Variants in ASIC2 observed in about 807,000 individuals in gnomAD.
The protein encoded by ASIC2 is acid sensing ion channel subunit 2, also known as acid-sensing ion channel 2.
ASIC2 carries 25 observed loss-of-function variants against 57.3 expected under a neutral mutation model. The ratio of observed to expected loss-of-function variants is 0.44; its 90% CI spans 0.32 to 0.61. The LOEUF (loss-of-function observed/expected upper bound fraction) is 0.61. ASIC2 is among the 20% of genes least tolerant of loss of function. ASIC2 has a pLI of 0.06. For synonymous variants in ASIC2, 319 were observed against 307.5 expected (o/e 1.04, Z -0.39); for missense variants, 641 against 738.1 (o/e 0.87, Z 1.52).
chr17:34,110,116 T>C (rs183720855), intron 1 of ASIC2, among the ~76,000 whole-genome samples: 8 of 152,286 alleles, frequency 5.3e-5, no homozygotes, highest in Admixed American at 3.3e-4. Context: ...CTCCAATCTT[T>C]TTCCCAAGTA....
At chr17:33,978,466 A>G (rs982044308) in intron 1 of ASIC2, among the ~76,000 whole-genome samples, 3 of 152,186 alleles carry the variant, frequency 2.0e-5, no homozygotes, top group African/African-American at 4.8e-5. Context: ...AGTTTCTGCA[A>G]CTTCAAAATG....
At chr17:33,172,802 C>T (rs903956916) in intron 1 of ASIC2, among the ~76,000 whole-genome samples, 1 of 152,256 alleles carries the variant, frequency 6.6e-6, no homozygotes, top group African/African-American at 2.4e-5. Flanking sequence ...AGGGCTTACT[C>T]TGGTCCTCCT....
intron 1 of ASIC2, among the ~76,000 whole-genome samples, chr17:34,102,971 A>C (rs1471059805): frequency 6.6e-6 from 1 of 152,146 alleles, no homozygotes; most frequent in Non-Finnish European, 1.5e-5. Context: ...ATTGTTCAAG[A>C]CTTTTGCTTA....
chr17:33,144,819 C>A (rs1355171526), intron 1 of ASIC2, among the ~76,000 whole-genome samples: 1 of 152,148 alleles, frequency 6.6e-6, no homozygotes, highest in Non-Finnish European at 1.5e-5. Context: ...TGTACCTAGA[C>A]CCCTACCCTT....
intron 1 of ASIC2, among the ~76,000 whole-genome samples, chr17:34,017,795 G>C (rs530193934): frequency 6.6e-6 from 1 of 152,326 alleles, no homozygotes; most frequent in African/African-American, 2.4e-5. Context: ...ATCTGAGAGA[G>C]GTGAGAAAGC....
At chr17:33,212,009 C>T (rs1212544767) in intron 1 of ASIC2, among the ~76,000 whole-genome samples, 3 of 152,124 alleles carry the variant, frequency 2.0e-5, no homozygotes, top group Non-Finnish European at 4.4e-5. Context: ...AAACAGGAGT[C>T]TCAGGAAGGG....
intron 1 of ASIC2, among the ~76,000 whole-genome samples, chr17:33,741,770 C>T (rs999039261): frequency 1.2e-4 from 19 of 152,354 alleles, no homozygotes; most frequent in Admixed American, 9.8e-4. Flanking sequence ...CCAGCCTACC[C>T]ATGCTCAGGC....
intron 3 of ASIC2, among the ~76,000 whole-genome samples, chr17:33,075,268 C>T (rs552405660): frequency 2.6e-5 from 4 of 152,178 alleles, no homozygotes; most frequent in African/African-American, 4.8e-5. Flanking sequence ...GTAAGACATG[C>T]CTTTTACCTT....
chr17:33,735,164 C>T (rs1014777623), intron 1 of ASIC2, among the ~76,000 whole-genome samples: 7 of 152,146 alleles, frequency 4.6e-5, no homozygotes, highest in African/African-American at 1.4e-4. Flanking sequence ...CATACTCTGT[C>T]TTATTTTTCT....
chr17:33,151,654 C>T (rs966691978), intron 1 of ASIC2, among the ~76,000 whole-genome samples: 3 of 152,170 alleles, frequency 2.0e-5, no homozygotes, highest in South Asian at 2.1e-4. Flanking sequence ...TCAGTTATCA[C>T]GGAGGTGGGT....
intron 1 of ASIC2, among the ~76,000 whole-genome samples, chr17:33,729,230 C>T (rs1252137589): frequency 6.6e-6 from 1 of 152,172 alleles, no homozygotes; most frequent in East Asian, 1.9e-4. Context: ...GGAGCAGATG[C>T]ATCCCTTTTG....
chr17:33,608,951 A>G (rs918317493), intron 1 of ASIC2, among the ~76,000 whole-genome samples: 10 of 152,176 alleles, frequency 6.6e-5, no homozygotes, highest in Non-Finnish European at 1.0e-4. Context: ...CAATTCTGCT[A>G]AAGCAACAGG....
chr17:33,120,679 G>A (rs759967460), intron 1 of ASIC2, among the ~76,000 whole-genome samples: 1 of 152,192 alleles, frequency 6.6e-6, no homozygotes, highest in Non-Finnish European at 1.5e-5. Flanking sequence ...TTGGCTGGTT[G>A]GGGGAAGAAG....
chr17:33,354,732 C>T (rs549113909), intron 1 of ASIC2, among the ~76,000 whole-genome samples: 1 of 152,230 alleles, frequency 6.6e-6, no homozygotes, highest in East Asian at 1.9e-4. Context: ...ACTTTTGCTC[C>T]TGGTTTCCAC....
intron 1 of ASIC2, among the ~76,000 whole-genome samples, chr17:33,764,271 C>G (rs542171258): frequency 3.3e-5 from 5 of 150,374 alleles, no homozygotes; most frequent in Non-Finnish European, 7.4e-5. Context: ...GAGCCCAGAT[C>G]GCGCCACTGC....
At chr17:33,266,666 C>G (rs1909473006) in intron 1 of ASIC2, among the ~76,000 whole-genome samples, 1 of 151,594 alleles carries the variant, frequency 6.6e-6, no homozygotes, top group African/African-American at 2.4e-5. Flanking sequence ...ACGTGCATCC[C>G]CGACGTTTGG....
chr17:33,048,635 G>T (rs72817077), intron 3 of ASIC2, among the ~76,000 whole-genome samples: 1 of 152,230 alleles, frequency 6.6e-6, no homozygotes, highest in African/African-American at 2.4e-5. Flanking sequence ...CACAGGTGGT[G>T]CAGTTGAGTC....
At chr17:33,302,936 A>G (rs557707000) in intron 1 of ASIC2, among the ~76,000 whole-genome samples, 41 of 152,294 alleles carry the variant, frequency 2.7e-4, no homozygotes, top group Admixed American at 7.2e-4. Flanking sequence ...TGTCTTTCCA[A>G]TTCTATTCTC....
intron 1 of ASIC2, among the ~76,000 whole-genome samples, chr17:33,814,700 C>A (rs951540881): frequency 2.0e-5 from 3 of 152,140 alleles, no homozygotes; most frequent in African/African-American, 7.2e-5. Context: ...TTGGGATTTG[C>A]GTGTGAGTGG....
Sources: gnomAD v4.1 joint callset for allele counts (sites outside exome capture counted in the v4.1 genomes callset) on GRCh38, gnomAD v4.1.1 for gene constraint, MANE v1.5 for transcripts, NCBI Gene and HGNC (gene_info 2026-07-23, HGNC 2026-07-21) for gene names.